Variants in PRKCE observed in about 807,000 individuals in gnomAD.
The protein encoded by PRKCE is protein kinase C epsilon type.
PRKCE carries 16 observed loss-of-function variants against 85.4 expected under a neutral mutation model. That is an observed-to-expected ratio of 0.19 (90% CI 0.13 to 0.28). PRKCE has a LOEUF of 0.28. PRKCE is among the 10% of genes least tolerant of loss of function. The pLI is 1.00. For missense variants in PRKCE, 573 were observed against 975.2 expected (o/e 0.59, Z 5.49); for synonymous variants, 388 against 371.5 (o/e 1.04, Z -0.51).
intron 2 of PRKCE, among the ~76,000 whole-genome samples, chr2:45,951,799 C>G (rs1394638710): frequency 2.6e-5 from 4 of 152,200 alleles, no homozygotes; most frequent in Non-Finnish European, 4.4e-5. Context: ...ATGTGACAAA[C>G]TCAGTTGATC....
At chr2:46,090,296 C>A (rs751901275) in intron 11 of PRKCE, among the ~76,000 whole-genome samples, 4 of 152,156 alleles carry the variant, frequency 2.6e-5, no homozygotes, top group Admixed American at 6.5e-5. Flanking sequence ...ATTTCATCCT[C>A]AGGACCTCTT....
chr2:45,804,085 G>T (rs1688068555), intron 1 of PRKCE, among the ~76,000 whole-genome samples: 1 of 152,174 alleles, frequency 6.6e-6, no homozygotes, highest in Admixed American at 6.5e-5. Flanking sequence ...TCTGTGGCTG[G>T]CCCATCACCA....
At chr2:45,870,781 C>T (rs1218112279) in intron 2 of PRKCE, among the ~76,000 whole-genome samples, 3 of 152,208 alleles carry the variant, frequency 2.0e-5, no homozygotes, top group Non-Finnish European at 4.4e-5. Context: ...GATTTCCTCA[C>T]TTGTGAGTGG....
intron 2 of PRKCE, among the ~76,000 whole-genome samples, chr2:45,885,477 G>A (rs1695226340): frequency 6.6e-6 from 1 of 152,318 alleles, no homozygotes; most frequent in East Asian, 1.9e-4. Flanking sequence ...TTGGGTTGGA[G>A]AGAGAGAGTG....
Position 46,050,116 on chromosome 2 carries a change from T to C in PRKCE, c.1438-36092T>C, listed in dbSNP as rs74870545. 3.7e-3 allele frequency among the ~76,000 whole-genome samples: 566 copies of C among 152,366 alleles called. 4 individuals are homozygous for C. Among genetic ancestry groups the C allele is most frequent in the Middle Eastern group, 0.014 (4 of 294 alleles). On this transcript the variant is annotated intron_variant, in intron 10 of 14. Transcript: ENST00000306156. ...GTCCCCAGGGGTAGGGTGGCTTAGCTGGGCTCATGGCCTGTGATGCACATT... is the reference window on the plus strand; with the variant it reads ...GTCCCCAGGGGTAGGGTGGCTTAGCCGGGCTCATGGCCTGTGATGCACATT...
At position 45,907,044 on chromosome 2, in the gene PRKCE, T is replaced by C. The variant is rs1467414178; in HGVS notation, c.412+63981T>C. Among the ~76,000 whole-genome samples, 1 of 151,712 alleles carries C rather than the reference T, an allele frequency of 6.6e-6. No individual in the cohort carries two copies. Among genetic ancestry groups the C allele is most frequent in the Non-Finnish European group, 1.5e-5 (1 of 67,972 alleles). ...CCAGGCTGGATGGGGCCCCAGTTGC[T>C]CCAAAATTAGGCGTCGGAGGTCTAA... On this transcript the variant is annotated intron_variant, in intron 2 of 14. Coordinates refer to ENST00000306156, the MANE Select transcript of PRKCE (RefSeq NM_005400.3). This position sits in a 1 kb window ranked among gnomAD's most constrained non-coding sequence, Gnocchi z 4.5.
At chr2:45,961,343 A>T (rs1321401850) in intron 2 of PRKCE, among the ~76,000 whole-genome samples, 1 of 152,208 alleles carries the variant, frequency 6.6e-6, no homozygotes, top group Non-Finnish European at 1.5e-5. Context: ...CTCTTGAATG[A>T]AGTATCTACT....
At chr2:46,127,910 A>C (rs1252180520) in intron 11 of PRKCE, among the ~76,000 whole-genome samples, 2 of 152,196 alleles carry the variant, frequency 1.3e-5, no homozygotes, top group African/African-American at 4.8e-5. Context: ...CCGTGGGAAA[A>C]CACAGTGGGT....
intron 2 of PRKCE, among the ~76,000 whole-genome samples, chr2:45,867,434 T>G (rs1261855561): frequency 2.0e-5 from 3 of 152,248 alleles, no homozygotes; most frequent in Admixed American, 1.3e-4. Flanking sequence ...GTATTTTACC[T>G]GGCAACCCTA....
intron 2 of PRKCE, among the ~76,000 whole-genome samples, chr2:45,939,708 C>T (rs895450841): frequency 1.3e-5 from 2 of 152,138 alleles, no homozygotes; most frequent in Non-Finnish European, 1.5e-5. Flanking sequence ...GTGCGTGCCA[C>T]CAGGCCCAGC....
Position 46,186,969 on chromosome 2 carries a change from A to T in PRKCE, c.*2088A>T, listed in dbSNP as rs1027373131. 6.6e-6 allele frequency: 1 copy of T among 152,482 alleles called. No individual in the cohort carries two copies. Among genetic ancestry groups the T allele is most frequent in the Non-Finnish European group, 1.5e-5 (1 of 68,012 alleles). The allele number at this position is 152,482 out of a possible 1,614,324, so 9.4% of individuals were successfully genotyped here. ...ACCAGTGAATGATGAAGAACATGAG[A>T]TTAATTTAATTTATCTTCGGTAACT... On this transcript the variant is annotated 3_prime_UTR_variant, in exon 15 of 15. Coordinates refer to ENST00000306156, the MANE Select transcript of PRKCE (RefSeq NM_005400.3).
chr2:46,017,146 C>T (rs1161714045), intron 10 of PRKCE, among the ~76,000 whole-genome samples: 1 of 152,022 alleles, frequency 6.6e-6, no homozygotes, highest in Non-Finnish European at 1.5e-5. Context: ...TCCATCACCC[C>T]TCTCCATCTC....
At chr2:45,912,542 C>G (rs771488074) in intron 2 of PRKCE, among the ~76,000 whole-genome samples, 9 of 152,052 alleles carry the variant, frequency 5.9e-5, no homozygotes, top group Non-Finnish European at 1.0e-4. Flanking sequence ...ACAGCTGGAG[C>G]CTTCATCAGA....
intron 2 of PRKCE, among the ~76,000 whole-genome samples, chr2:45,947,258 A>G (rs2104292572): frequency 6.6e-6 from 1 of 152,354 alleles, no homozygotes; most frequent in African/African-American, 2.4e-5. Flanking sequence ...GATATGTCCA[A>G]AATAGGAACA....
chr2:45,869,706 C>CTTTTTTTTT (rs71394860), intron 2 of PRKCE, among the ~76,000 whole-genome samples: 5 of 109,294 alleles, frequency 4.6e-5, no homozygotes, highest in Admixed American at 1.1e-4. Flanking sequence ...TTCTCTCTCT[C>CTTTTTTTTT]TTTTTTTTTT....
chr2:45,846,125 TGGCTCTCCA>T (rs1049026086), intron 2 of PRKCE, among the ~76,000 whole-genome samples: 1 of 152,094 alleles, frequency 6.6e-6, no homozygotes, highest in African/African-American at 2.4e-5. Context: ...CTGGTAAGGG[TGGCTCTCCA>T]GGCTCTCCAG....
intron 1 of PRKCE, among the ~76,000 whole-genome samples, chr2:45,702,786 T>C (rs1678758553): frequency 1.3e-5 from 2 of 152,330 alleles, no homozygotes; most frequent in South Asian, 4.1e-4. Context: ...CCACCTCTCT[T>C]TTCCATTTCT....
intron 10 of PRKCE, among the ~76,000 whole-genome samples, chr2:46,017,872 C>A (rs563002708): frequency 6.6e-6 from 1 of 152,250 alleles, no homozygotes; most frequent in Non-Finnish European, 1.5e-5. Context: ...GCAACAGAAC[C>A]CAGATTGGAA....
intron 4 of PRKCE, 44 bp downstream of exon 4, chr2:45,979,054 G>C (rs1027355034): frequency 1.9e-6 from 3 of 1,580,370 alleles, no homozygotes; most frequent in African/African-American, 2.7e-5. Flanking sequence ...CCCGTGGTTA[G>C]ATCCAGATCA....
Sources: gnomAD v4.1 joint callset for allele counts (sites outside exome capture counted in the v4.1 genomes callset) on GRCh38, gnomAD v4.1.1 for gene constraint, Gnocchi (gnomAD v3.1) non-coding constraint, MANE v1.5 for transcripts, NCBI Gene and HGNC (gene_info 2026-07-23, HGNC 2026-07-21) for gene names.